Variants in PRPF39 observed in about 807,000 individuals in gnomAD.
PRPF39 encodes the protein pre-mRNA processing factor 39.
PRPF39 carries 27 observed loss-of-function variants against 82.1 expected under a neutral mutation model. The ratio of observed to expected loss-of-function variants is 0.33; its 90% confidence interval spans 0.24 to 0.45. The LOEUF is 0.45. PRPF39 is among the 20% of genes least tolerant of loss of function. The pLI is 1.00. For synonymous variants in PRPF39, 261 were observed against 256.4 expected (o/e 1.02, Z -0.17); for missense variants, 581 against 796.9 (o/e 0.73, Z 3.26).
intron 5 of PRPF39, among the ~76,000 whole-genome samples, chr14:45,105,918 C>T (rs1177077783): frequency 6.6e-6 from 1 of 152,006 alleles, no homozygotes; most frequent in South Asian, 2.1e-4. Flanking sequence ...TTATGTTTAT[C>T]CAGCTTAAAA....
intron 4 of PRPF39, among the ~76,000 whole-genome samples, chr14:45,100,506 T>C (rs542527173): frequency 1.3e-5 from 2 of 152,228 alleles, no homozygotes; most frequent in Admixed American, 6.5e-5. Context: ...TGAAGATTTC[T>C]CACGATTCAT....
chr14:45,085,131 C>T (rs761340277), intron 1 of PRPF39, among the ~76,000 whole-genome samples: 49 of 152,148 alleles, frequency 3.2e-4, no homozygotes, highest in Non-Finnish European at 6.2e-4. Flanking sequence ...CATGTTGAAA[C>T]TTAAGTGTTT....
intron 4 of PRPF39, among the ~76,000 whole-genome samples, chr14:45,101,946 A>G (rs1459356212): frequency 6.6e-6 from 1 of 151,628 alleles, no homozygotes; most frequent in African/African-American, 2.4e-5. Context: ...AGCTGGGACT[A>G]CAGGCATGTG....
chr14:45,094,488 C>G (rs1377655866), intron 1 of PRPF39, among the ~76,000 whole-genome samples: 2 of 152,076 alleles, frequency 1.3e-5, no homozygotes, highest in Admixed American at 6.6e-5. Context: ...CAGCCTTGAA[C>G]TTCTGGGCTC....
chr14:45,114,912 G>A lies in PRPF39; in HGVS notation c.2009G>A (p.Ter670=). The change falls in exon 14 of 14, where the codon TGA becomes TAA. Residue 670 remains the stop codon, a stop_retained_variant. Transcript: ENST00000355765. ...YGQYYPPPPT[*] ...CAATATTATCCTCCCCCTCCAACCTGATGGGAAAAATGTAAATTTCAAATG... is the reference window on the plus strand; with the variant it reads ...CAATATTATCCTCCCCCTCCAACCTAATGGGAAAAATGTAAATTTCAAATG... The A allele has an allele frequency of 6.3e-7, 1 of 1,590,676 alleles. No homozygotes were observed. The highest frequency in any genetic ancestry group is 8.6e-7 in the Non-Finnish European group (1 of 1,159,738).
At chr14:45,091,707 A>T (rs1884033045) in intron 1 of PRPF39, among the ~76,000 whole-genome samples, 2 of 152,212 alleles carry the variant, frequency 1.3e-5, no homozygotes, top group African/African-American at 4.8e-5. Flanking sequence ...TAAAAATTTT[A>T]CTTACTCATA....
chr14:45,106,309 A>AT (rs1337708087), intron 5 of PRPF39, among the ~76,000 whole-genome samples: 2 of 152,158 alleles, frequency 1.3e-5, no homozygotes, highest in Admixed American at 6.5e-5. Context: ...AGATAGAACG[A>AT]TTGCACTCTA....
intron 10 of PRPF39, among the ~76,000 whole-genome samples, chr14:45,111,620 C>G (rs956741587): frequency 6.9e-6 from 1 of 143,902 alleles, no homozygotes; most frequent in Non-Finnish European, 1.5e-5. Context: ...GCGTAAGCCA[C>G]TGCACCTGGG....
chr14:45,095,168 A>G, intron 1 of PRPF39, 53 bp from the exon 2 acceptor site: 1 of 1,278,706 alleles, frequency 7.8e-7, no homozygotes, highest in Non-Finnish European at 1.1e-6. Context: ...GTTGAGGCCA[A>G]ATAATTTTAT....
Position 45,116,218 on chromosome 14 carries a change from C to T in PRPF39, c.*1305C>T. The stretch of plus-strand genomic sequence containing the variant: ...CTATTTCAATCAATATCCACTAATT[C>T]CACTTCAAAAGTGAGTTTTGCATTT... On this transcript the variant is annotated 3_prime_UTR_variant, in exon 14 of 14. Coordinates refer to ENST00000355765, the MANE Select transcript of PRPF39 (RefSeq NM_017922.4). The T allele has an allele frequency of 6.2e-7, 1 of 1,612,622 alleles. No individual in the cohort carries two copies.
At chr14:45,106,483 C>T (rs1322227626) in intron 5 of PRPF39, among the ~76,000 whole-genome samples, 1 of 152,132 alleles carries the variant, frequency 6.6e-6, no homozygotes, top group African/African-American at 2.4e-5. Context: ...TTTAGCTCCT[C>T]AACCTGGTAT....
intron 1 of PRPF39, among the ~76,000 whole-genome samples, chr14:45,087,480 G>C (rs1883869689): frequency 6.6e-6 from 1 of 152,066 alleles, no homozygotes; most frequent in African/African-American, 2.4e-5. Context: ...TTTATACCGA[G>C]GTATGTTTGA....
intron 10 of PRPF39, among the ~76,000 whole-genome samples, chr14:45,111,795 C>T (rs1012916740): frequency 5.9e-5 from 9 of 151,666 alleles, no homozygotes; most frequent in East Asian, 1.9e-4. Flanking sequence ...TGCACCACCA[C>T]GCCAGTTAAT....
At chr14:45,094,331 T>C (rs1884133472) in intron 1 of PRPF39, among the ~76,000 whole-genome samples, 1 of 152,228 alleles carries the variant, frequency 6.6e-6, no homozygotes, top group South Asian at 2.1e-4. Flanking sequence ...CTTATTACCT[T>C]ATAGCCTTAA....
chr14:45,092,235 A>G (rs1452094132), intron 1 of PRPF39, among the ~76,000 whole-genome samples: 1 of 152,202 alleles, frequency 6.6e-6, no homozygotes, highest in Admixed American at 6.5e-5. Context: ...GGAAATTACT[A>G]ATAGTGAGAA....
In PRPF39 at chr14:45,108,376, A is replaced by C. The variant is rs755164281; in HGVS notation, c.904-39A>C. On this transcript the variant is annotated intron_variant, in intron 6 of 13. Coordinates refer to ENST00000355765, the MANE Select transcript of PRPF39 (RefSeq NM_017922.4). ...GTGATATTGAAAATTTTCAGTATAC[A>C]GTTTGTGAGATTTATTTTTTTCCCT... 8 of 1,540,094 alleles carry C rather than the reference A, an allele frequency of 5.2e-6. No individual in the cohort carries two copies. In the South Asian group the frequency reaches 1.0e-4, roughly 20 times the overall value.
chr14:45,112,613 G>A (rs1043693521), intron 11 of PRPF39, 111 bp downstream of exon 11: 66 of 1,113,640 alleles, frequency 5.9e-5, no homozygotes, highest in Middle Eastern at 3.2e-4. Flanking sequence ...TAAAATGTTC[G>A]CTTAGTTTAC....
intron 1 of PRPF39, among the ~76,000 whole-genome samples, chr14:45,086,029 C>T (rs780400184): frequency 5.3e-5 from 8 of 152,208 alleles, no homozygotes; most frequent in East Asian, 1.9e-4. Flanking sequence ...CCGCAACCTC[C>T]GCCTCCCGGG....
chr14:45,098,845 T>A (rs905595585), intron 4 of PRPF39, among the ~76,000 whole-genome samples: 11 of 152,220 alleles, frequency 7.2e-5, no homozygotes, highest in African/African-American at 2.7e-4. Context: ...TAGATCTCAC[T>A]CTTTTCTTGA....
Sources: gnomAD v4.1 joint callset for allele counts (sites outside exome capture counted in the v4.1 genomes callset) on GRCh38, gnomAD v4.1.1 for gene constraint, MANE v1.5 for transcripts, NCBI Gene and HGNC (gene_info 2026-07-23, HGNC 2026-07-21) for gene names.